Variants in SEC22C observed in about 807,000 individuals in gnomAD.
SEC22C encodes the protein SEC22 homolog C, vesicle trafficking protein.
SEC22C carries 29 observed loss-of-function variants against 34.7 expected under a neutral mutation model. The observed-to-expected ratio is 0.84, with a 90% CI of 0.62 to 1.14. The LOEUF (loss-of-function observed/expected upper bound fraction) is 1.14, where lower values mean the gene tolerates loss of function less well. Ranked by LOEUF, SEC22C falls within the 50% of genes most tolerant of loss-of-function variation. The probability of loss-of-function intolerance (pLI) is 0.00; values close to 1 mark genes in which losing one functional copy is unlikely to be tolerated. For synonymous variants in SEC22C, 117 were observed against 132.8 expected, an observed-to-expected ratio of 0.88 and a Z score of 0.82; for missense variants, 337 against 369.0, an observed-to-expected ratio of 0.91 and a Z score of 0.71.
chr3:42,578,226 C>T lies in SEC22C; in HGVS notation c.-28+3620G>A, dbSNP rs189794558. On this transcript the variant is annotated intron_variant, in intron 1 of 6. Transcript: ENST00000264454. ...ATTCATTCCATGGAATACTACTCAG[C>T]AAAGAAGAAGAATAAACTATGGTCC... 1.7e-4 allele frequency among the ~76,000 whole-genome samples: 26 copies of T among 152,174 alleles called. No homozygotes were observed. In the East Asian group the frequency reaches 4.6e-3, roughly 27 times the overall value.
intron 1 of SEC22C, chr3:42,591,457 G>A: frequency 8.3e-7 from 1 of 1,201,662 alleles, no homozygotes; most frequent in Non-Finnish European, 1.2e-6. Context: ...CCTCCCAAAG[G>A]GCCGGGGTTA....
chr3:42,552,174 A>G lies in SEC22C; in HGVS notation c.*1074T>C, dbSNP rs1702286596. 5 of 985,376 alleles carry G rather than the reference A, an allele frequency of 5.1e-6. No individual in the cohort carries two copies. The South Asian group carries it at 1.9e-4, about 37-fold the overall frequency. The allele number at this position is 985,376 out of a possible 1,614,324, so 61.0% of individuals were successfully genotyped here. A position where few individuals can be genotyped will look rare whatever the true frequency, so the allele number is the denominator to read the frequency against. On this transcript the variant is annotated 3_prime_UTR_variant, in exon 7 of 7. Transcript: ENST00000264454. ...GTATGTGTTAATTATATCTCTATCA[A>G]GCTTTAAAAAGTTAACAGATACTTA... is the stretch of plus-strand genomic sequence containing the variant.
At chr3:42,553,996 G>A (rs1336223774) in intron 6 of SEC22C, among the ~76,000 whole-genome samples, 2 of 152,166 alleles carry the variant, frequency 1.3e-5, no homozygotes, top group Non-Finnish European at 2.9e-5. Context: ...TCTCACAGCA[G>A]GGAGAGTGAC....
intron 1 of SEC22C, among the ~76,000 whole-genome samples, chr3:42,570,922 T>C (rs1242028930): frequency 6.6e-6 from 1 of 152,104 alleles, no homozygotes. Flanking sequence ...TAAGCCAAGA[T>C]ATGAAGACAT....
intron 6 of SEC22C, among the ~76,000 whole-genome samples, chr3:42,555,669 T>C (rs1702490828): frequency 6.6e-6 from 1 of 152,182 alleles, no homozygotes; most frequent in Admixed American, 6.5e-5. Context: ...AAACTGCTGG[T>C]TTCTGTTCTG....
rs998482252 is a variant in SEC22C at position 42,551,811 on chromosome 3, AT to A, written c.*1436del. ...ACCAGTGATAACCAAATATAATTGA[AT>A]TTTTCTAAAACTACATTCTTACATT... On this transcript the variant is annotated 3_prime_UTR_variant, in exon 7 of 7. Transcript: ENST00000264454. 23 of 977,774 alleles carry A rather than the reference AT, an allele frequency of 2.4e-5. No individual in the cohort carries two copies. The highest frequency in any genetic ancestry group is 2.7e-5 in the Non-Finnish European group (22 of 823,052). The allele number at this position is 977,774 out of a possible 1,614,324, so 60.6% of individuals were successfully genotyped here. A position where few individuals can be genotyped will look rare whatever the true frequency, so the allele number is the denominator to read the frequency against.
intron 1 of SEC22C, among the ~76,000 whole-genome samples, chr3:42,599,833 T>C (rs1465079795): frequency 6.6e-6 from 1 of 152,236 alleles, no homozygotes; most frequent in Non-Finnish European, 1.5e-5. Context: ...TTAAAGACTA[T>C]GTAAAACATA....
chr3:42,555,112 G>A (rs1257386692), intron 6 of SEC22C, among the ~76,000 whole-genome samples: 6 of 152,052 alleles, frequency 3.9e-5, no homozygotes, highest in Non-Finnish European at 5.9e-5. Flanking sequence ...TTGGGCGGCC[G>A]AGGCGGGTGG....
At chr3:42,599,840 C>T (rs2125746141) in intron 1 of SEC22C, among the ~76,000 whole-genome samples, 1 of 152,192 alleles carries the variant, frequency 6.6e-6, no homozygotes, top group African/African-American at 2.4e-5. Context: ...CTATGTAAAA[C>T]ATATATGAGA....
At chr3:42,583,787 C>T (rs1284264593), upstream of SEC22C, among the ~76,000 whole-genome samples, 1 of 152,224 alleles carries the variant, frequency 6.6e-6, no homozygotes, top group African/African-American at 2.4e-5. Flanking sequence ...CACCCCTCTT[C>T]TGCCCTTGGC....
chr3:42,597,594 G>T (rs1705066174), intron 1 of SEC22C, among the ~76,000 whole-genome samples: 1 of 150,564 alleles, frequency 6.6e-6, no homozygotes, highest in Non-Finnish European at 1.5e-5. Context: ...TGCAGAAACA[G>T]GTCAGAAATG....
At position 42,566,548 on chromosome 3, in the gene SEC22C, G is replaced by A. The variant is rs1368228284; in HGVS notation, c.182+2317C>T. Reference sequence around the variant, plus strand: ...AAAAAAATTAGCCAGGCGTGGTGGTGGGCACCTGTAGTCCCAGCTACTCGG... The same window carrying A: ...AAAAAAATTAGCCAGGCGTGGTGGTAGGCACCTGTAGTCCCAGCTACTCGG... On this transcript the variant is annotated intron_variant, in intron 2 of 6. Transcript: ENST00000264454. 5.3e-5 allele frequency among the ~76,000 whole-genome samples: 8 copies of A among 152,098 alleles called. 1 individual carries two copies. The East Asian group carries it at 1.5e-3, about 29-fold the overall frequency.
At position 42,563,725 on chromosome 3, in the gene SEC22C, GC is replaced by G. The variant is rs1007928239; in HGVS notation, c.183-40del. 4 of 1,612,024 alleles carry G rather than the reference GC, an allele frequency of 2.5e-6. No individual in the cohort carries two copies. In the African/African-American group the frequency reaches 4.0e-5, roughly 16 times the overall value. On this transcript the variant is annotated intron_variant, in intron 2 of 6. Transcript: ENST00000264454. ...GCAATATCTGTATTACCAGGAAACA[GC>G]CCCATGTATTCCCATCCCACACCCA...
At chr3:42,568,771 T>C in intron 2 of SEC22C, 94 bp downstream of exon 2, 2 of 1,024,332 alleles carry the variant, frequency 2.0e-6, no homozygotes, top group South Asian at 3.1e-5. Flanking sequence ...CTACTTTTAA[T>C]ACACAATGTG....
exon 1 of SEC22C, chr3:42,601,060 G>A (rs759015243): frequency 3.2e-6 from 5 of 1,574,240 alleles, no homozygotes; most frequent in Admixed American, 3.7e-5. Flanking sequence ...TCAACCGGGA[G>A]CCGGGTGAGC....
rs1702154073 is a variant in SEC22C, at chr3:42,549,696, G to A, written c.*3552C>T. 1.0e-6 allele frequency: 1 copy of A among 985,514 alleles called. No individual in the cohort carries two copies. Among genetic ancestry groups the A allele is most frequent in the African/African-American group, 1.7e-5 (1 of 57,362 alleles). The allele number at this position is 985,514 out of a possible 1,614,324, so 61.0% of individuals were successfully genotyped here. A position where few individuals can be genotyped will look rare whatever the true frequency, so the allele number is the denominator to read the frequency against. ...AAGATGGTTTTCTCATCCCTCCAGAGACTCCAGTTTCAGACTCTGTCTCCA... is the reference window on the plus strand; with the variant it reads ...AAGATGGTTTTCTCATCCCTCCAGAAACTCCAGTTTCAGACTCTGTCTCCA... On this transcript the variant is annotated 3_prime_UTR_variant, in exon 7 of 7. Coordinates refer to ENST00000264454, the MANE Select transcript of SEC22C (RefSeq NM_032970.4).
chr3:42,567,402 C>T (rs1703318198), intron 2 of SEC22C, among the ~76,000 whole-genome samples: 2 of 152,282 alleles, frequency 1.3e-5, no homozygotes, highest in African/African-American at 4.8e-5. Flanking sequence ...AATTGTATAA[C>T]CCATAAGAAG....
At chr3:42,558,161 G>A (rs1461909564) in intron 4 of SEC22C, among the ~76,000 whole-genome samples, 1 of 152,080 alleles carries the variant, frequency 6.6e-6, no homozygotes, top group Non-Finnish European at 1.5e-5. Flanking sequence ...ATTATCTGAT[G>A]CAAAAATGTC....
intron 4 of SEC22C, among the ~76,000 whole-genome samples, chr3:42,560,307 TTAAA>T (rs918625554): frequency 1.3e-4 from 20 of 148,696 alleles, no homozygotes; most frequent in South Asian, 1.3e-3. Context: ...CAACTTGGAC[TTAAA>T]TAAATAAATA....
Sources: gnomAD v4.1 joint callset for allele counts (sites outside exome capture counted in the v4.1 genomes callset) on GRCh38, gnomAD v4.1.1 for gene constraint, MANE v1.5 for transcripts, NCBI Gene and HGNC (gene_info 2026-07-23, HGNC 2026-07-21) for gene names.